LGR6: variants seen among roughly 807,000 people sequenced by gnomAD.
The protein encoded by LGR6 is leucine rich repeat containing G protein-coupled receptor 6.
Under a neutral mutation model 69.4 loss-of-function variants are expected in LGR6, and 45 were observed. The observed-to-expected ratio is 0.65, with a 90% CI of 0.51 to 0.83. LGR6 has a LOEUF of 0.83. LGR6 is among the 40% of genes least tolerant of loss of function. LGR6 has a pLI of 0.00. For synonymous variants in LGR6, 538 were observed against 555.0 expected (o/e 0.97, Z 0.43); for missense variants, 1,108 against 1,246.7 (o/e 0.89, Z 1.68).
intron 2 of LGR6, 117 bp downstream of exon 2, chr1:202,225,611 C>A: frequency 1.3e-6 from 1 of 786,966 alleles, no homozygotes; most frequent in Non-Finnish European, 2.1e-6. Context: ...GAAGCTAAGA[C>A]AGTTCTTGAC....
chr1:202,303,428 G>T (rs1198523184), intron 10 of LGR6, 81 bp downstream of exon 10: 2 of 1,114,004 alleles, frequency 1.8e-6, no homozygotes, highest in Non-Finnish European at 2.7e-6. Context: ...CCCCTGGAAG[G>T]CTGTCTAGGT....
chr1:202,254,404 C>G (rs578084569), intron 4 of LGR6, among the ~76,000 whole-genome samples: 1 of 152,192 alleles, frequency 6.6e-6, no homozygotes, highest in African/African-American at 2.4e-5. Context: ...CACCTCTGGT[C>G]AGGCTTTGCT....
At chr1:202,307,423 C>T (rs1047779105) in intron 14 of LGR6, 22 bp downstream of exon 14, 1 of 1,610,602 alleles carries the variant, frequency 6.2e-7, no homozygotes, top group African/African-American at 1.3e-5. Context: ...CTGCATTCTC[C>T]TCCAGGATGC....
intron 1 of LGR6, among the ~76,000 whole-genome samples, chr1:202,195,892 A>G (rs1658622882): frequency 6.6e-6 from 1 of 152,150 alleles, no homozygotes; most frequent in African/African-American, 2.4e-5. Flanking sequence ...GGAAGGAGGT[A>G]CACTGTCACC....
chr1:202,254,074 G>C (rs530513242), intron 4 of LGR6, among the ~76,000 whole-genome samples: 1 of 152,142 alleles, frequency 6.6e-6, no homozygotes, highest in African/African-American at 2.4e-5. Flanking sequence ...CAAAGTGCTG[G>C]GATTACAGGC....
intron 4 of LGR6, among the ~76,000 whole-genome samples, chr1:202,244,436 G>A (rs950272003): frequency 1.1e-4 from 17 of 152,212 alleles, no homozygotes; most frequent in African/African-American, 4.1e-4. Context: ...GAGGCCAGAA[G>A]TTCTAAACCA....
At chr1:202,284,343 T>G (rs1666241471) in intron 6 of LGR6, among the ~76,000 whole-genome samples, 1 of 152,182 alleles carries the variant, frequency 6.6e-6, no homozygotes, top group Admixed American at 6.5e-5. Flanking sequence ...GCTGGGAAAT[T>G]GAGAATCAGA....
chr1:202,225,315 G>T, intron 1 of LGR6, 108 bp from the exon 2 acceptor site: 1 of 922,050 alleles, frequency 1.1e-6, no homozygotes, highest in Non-Finnish European at 1.8e-6. Context: ...CCTGGTGGGG[G>T]GTACTGTGGG....
intron 15 of LGR6, among the ~76,000 whole-genome samples, chr1:202,309,434 G>A (rs1358678548): frequency 1.3e-5 from 2 of 152,228 alleles, no homozygotes; most frequent in South Asian, 4.1e-4. Context: ...GAGAGTGATA[G>A]AAGTAAGATG....
chr1:202,270,991 G>A (rs187666816), intron 4 of LGR6, among the ~76,000 whole-genome samples: 2 of 152,170 alleles, frequency 1.3e-5, no homozygotes, highest in Admixed American at 1.3e-4. Context: ...GCCCGAACTG[G>A]CCTGTGAGGT....
At chr1:202,243,154 G>A (rs1461282750) in intron 4 of LGR6, among the ~76,000 whole-genome samples, 1 of 152,186 alleles carries the variant, frequency 6.6e-6, no homozygotes, top group African/African-American at 2.4e-5. Context: ...GACAAGCCTT[G>A]GGAAGTGGCC....
At chr1:202,308,486 C>T (rs192259194) in intron 14 of LGR6, among the ~76,000 whole-genome samples, 10 of 152,264 alleles carry the variant, frequency 6.6e-5, no homozygotes, top group Admixed American at 1.3e-4. Context: ...TCCTCTAATG[C>T]GCCTCCAGTA....
At chr1:202,293,278 C>T (rs1432147927) in intron 6 of LGR6, among the ~76,000 whole-genome samples, 2 of 152,198 alleles carry the variant, frequency 1.3e-5, no homozygotes, top group Non-Finnish European at 2.9e-5. Flanking sequence ...GACTCCACAG[C>T]ACTCACTTCC....
chr1:202,316,870 G>A (rs1193867939), intron 17 of LGR6, among the ~76,000 whole-genome samples: 1 of 152,158 alleles, frequency 6.6e-6, no homozygotes, highest in East Asian at 1.9e-4. Flanking sequence ...AGGTGATTTA[G>A]GAACAGACTT....
chr1:202,198,229 A>G (rs1571800533), intron 1 of LGR6, among the ~76,000 whole-genome samples: 1 of 152,198 alleles, frequency 6.6e-6, no homozygotes, highest in Non-Finnish European at 1.5e-5. Context: ...CTGGAGGCAG[A>G]GAGTAAGAGG....
intron 9 of LGR6, 123 bp from the exon 10 acceptor site, chr1:202,303,156 C>A: frequency 2.6e-6 from 2 of 763,068 alleles, no homozygotes; most frequent in Non-Finnish European, 2.3e-6. Flanking sequence ...AGGAAGATTG[C>A]AGGGAAGCAT....
At chr1:202,274,328 C>T (rs1483283931) in intron 4 of LGR6, among the ~76,000 whole-genome samples, 13 of 152,218 alleles carry the variant, frequency 8.5e-5, no homozygotes. Flanking sequence ...TGCGAGTTCA[C>T]AGCTGAATGT....
intron 4 of LGR6, among the ~76,000 whole-genome samples, chr1:202,263,343 C>G (rs560911234): frequency 2.6e-5 from 4 of 152,084 alleles, no homozygotes; most frequent in African/African-American, 4.8e-5. Context: ...AGGCTGGTCT[C>G]GAACTCCTGA....
intron 1 of LGR6, among the ~76,000 whole-genome samples, chr1:202,204,608 A>AAACACACACACACCT (rs1659009107): frequency 2.4e-4 from 1 of 4,220 alleles, no homozygotes. Flanking sequence ...ACACACCTCC[A>AAACACACACACACCT]AACACACACC....
Sources: gnomAD v4.1 joint callset for allele counts (sites outside exome capture counted in the v4.1 genomes callset) on GRCh38, gnomAD v4.1.1 for gene constraint, MANE v1.5 for transcripts, NCBI Gene and HGNC (gene_info 2026-07-23, HGNC 2026-07-21) for gene names.